Variants in SOX6 observed in about 807,000 individuals in gnomAD.
SOX6 encodes SRY-box transcription factor 6.
A neutral mutation model predicts 97.8 loss-of-function variants in SOX6; 11 were observed. The observed-to-expected ratio is 0.11, with a 90% CI of 0.07 to 0.19. The LOEUF (loss-of-function observed/expected upper bound fraction) is 0.19. SOX6 is among the 10% of genes least tolerant of loss of function. The pLI is 1.00. For synonymous variants in SOX6, 360 were observed against 371.4 expected (o/e 0.97, Z 0.35); for missense variants, 810 against 1,039.5 (o/e 0.78, Z 3.04).
chr11:16,586,658 T>G (rs550844205), intron 4 of SOX6, among the ~76,000 whole-genome samples: 3 of 151,960 alleles, frequency 2.0e-5, no homozygotes, highest in Non-Finnish European at 4.4e-5. Flanking sequence ...AGTTCAAGAA[T>G]GCAGTGAGCT....
At chr11:16,550,937 G>C (rs983372478) in intron 4 of SOX6, among the ~76,000 whole-genome samples, 1 of 152,106 alleles carries the variant, frequency 6.6e-6, no homozygotes, top group African/African-American at 2.4e-5. Context: ...GTAAATTAAG[G>C]CCAGGCGCAG....
chr11:16,292,023 T>C (rs1854932388), intron 3 of SOX6, among the ~76,000 whole-genome samples: 1 of 152,168 alleles, frequency 6.6e-6, no homozygotes, highest in South Asian at 2.1e-4. Context: ...ATCCTGCTTA[T>C]GGGCAGATCA....
chr11:16,499,376 C>A (rs886591907), intron 4 of SOX6, among the ~76,000 whole-genome samples: 4 of 152,040 alleles, frequency 2.6e-5, no homozygotes, highest in African/African-American at 9.7e-5. Flanking sequence ...AAAATTAACA[C>A]CCTAACATCA....
chr11:16,126,045 G>T (rs951202529), intron 6 of SOX6, among the ~76,000 whole-genome samples: 13 of 152,100 alleles, frequency 8.5e-5, no homozygotes, highest in South Asian at 2.1e-4. Flanking sequence ...TTAACATTAG[G>T]TCTGTTCCTT....
rs181555583 is a variant in SOX6, at chr11:16,551,173, C to A, written n.609+60908G>T. Among the ~76,000 whole-genome samples the A allele has an allele frequency of 2.0e-5, 3 of 152,066 alleles. No individual in the cohort carries two copies. In the East Asian group the frequency reaches 5.8e-4, roughly 29 times the overall value. On this transcript the variant is annotated intron_variant and non_coding_transcript_variant, in intron 4 of 5. Coordinates refer to the SOX6 transcript ENST00000524520. ...CCAGCCTAGACAACATAGTGAGACA[C>A]CATCTTTAAAAAAATTTAAAATAAA...
At chr11:16,096,637 C>A (rs1010172458) in intron 8 of SOX6, among the ~76,000 whole-genome samples, 4 of 151,612 alleles carry the variant, frequency 2.6e-5, no homozygotes, top group African/African-American at 9.7e-5. Context: ...TTTCATGGGA[C>A]AATAGTTGTA....
intron 3 of SOX6, among the ~76,000 whole-genome samples, chr11:16,670,355 C>G (rs1847838825): frequency 6.6e-6 from 1 of 152,114 alleles, no homozygotes; most frequent in Non-Finnish European, 1.5e-5. Context: ...AGCAGACCTC[C>G]AAGCTCATAC....
At chr11:16,501,019 A>C (rs1006202258) in intron 4 of SOX6, among the ~76,000 whole-genome samples, 1 of 152,236 alleles carries the variant, frequency 6.6e-6, no homozygotes, top group African/African-American at 2.4e-5. Flanking sequence ...CTAAGCCAAA[A>C]GAACAAAGAT....
intron 3 of SOX6, among the ~76,000 whole-genome samples, chr11:16,269,400 T>C (rs1007781032): frequency 6.6e-6 from 1 of 150,962 alleles, no homozygotes. Context: ...TCACTATTCT[T>C]GCATGTTTGT....
chr11:16,435,851 T>G (rs1310055635), intron 1 of SOX6, among the ~76,000 whole-genome samples: 2 of 152,126 alleles, frequency 1.3e-5, no homozygotes, highest in South Asian at 2.1e-4. Context: ...TCCCACTGTT[T>G]ATAAACATAA....
At chr11:16,446,937 T>A (rs1859623178) in intron 1 of SOX6, among the ~76,000 whole-genome samples, 1 of 150,160 alleles carries the variant, frequency 6.7e-6, no homozygotes, top group African/African-American at 2.5e-5. Context: ...TCTGTTTCTT[T>A]CTTTACTTTC....
intron 4 of SOX6, among the ~76,000 whole-genome samples, chr11:16,223,322 C>T (rs944841569): frequency 6.6e-6 from 1 of 152,080 alleles, no homozygotes; most frequent in Non-Finnish European, 1.5e-5. Context: ...CTCAACTTGT[C>T]TCATTTCTTT....
intron 3 of SOX6, among the ~76,000 whole-genome samples, chr11:16,640,291 G>A (rs1402230724): frequency 6.6e-6 from 1 of 152,166 alleles, no homozygotes; most frequent in Non-Finnish European, 1.5e-5. Context: ...GCTTTTTGAT[G>A]TGCTGCTGGA....
intron 4 of SOX6, among the ~76,000 whole-genome samples, chr11:16,550,732 C>A (rs899888348): frequency 1.3e-5 from 2 of 152,220 alleles, no homozygotes; most frequent in East Asian, 1.9e-4. Context: ...TATATTGTTG[C>A]ATCTATGGTT....
chr11:16,630,512 G>A (rs1848690520), intron 3 of SOX6, among the ~76,000 whole-genome samples: 1 of 152,076 alleles, frequency 6.6e-6, no homozygotes. Context: ...GGTCAAGCAT[G>A]TGGTTGATCT....
intron 7 of SOX6, among the ~76,000 whole-genome samples, chr11:16,105,204 T>C (rs1319696282): frequency 6.6e-6 from 1 of 151,868 alleles, no homozygotes; most frequent in Non-Finnish European, 1.5e-5. Context: ...CAGGGCAAAG[T>C]GGAATTTATC....
At chr11:16,135,880 T>C (rs1358668089) in intron 6 of SOX6, among the ~76,000 whole-genome samples, 4 of 152,198 alleles carry the variant, frequency 2.6e-5, no homozygotes, top group Admixed American at 2.6e-4. Context: ...AAAGAGTCAA[T>C]TGATGCAGCA....
intron 1 of SOX6, among the ~76,000 whole-genome samples, chr11:16,465,238 C>T (rs1477276401): frequency 6.6e-6 from 1 of 152,112 alleles, no homozygotes; most frequent in Admixed American, 6.6e-5. Flanking sequence ...GACTACAATT[C>T]CAGGGAAAAA....
chr11:16,059,104 G>C (rs1847888076), intron 9 of SOX6, among the ~76,000 whole-genome samples: 1 of 152,000 alleles, frequency 6.6e-6, no homozygotes, highest in Non-Finnish European at 1.5e-5. Context: ...TACTAAGACA[G>C]TTATAACTCA....
Sources: allele counts gnomAD v4.1 joint callset (sites outside exome capture counted in the v4.1 genomes callset), GRCh38; gene constraint gnomAD v4.1.1; transcripts MANE v1.5; gene names NCBI Gene and HGNC (gene_info 2026-07-23, HGNC 2026-07-21).